The following UNC79 variants were observed in gnomAD, a reference collection of about 807,000 sequenced individuals.
UNC79 encodes unc-79 subunit of NALCN channel complex, also known as protein unc-79 homolog.
In UNC79, 37 loss-of-function variants were observed where a neutral mutation model predicts 283.1. The ratio of observed to expected loss-of-function variants is 0.13; its 90% confidence interval spans 0.10 to 0.17. The LOEUF (loss-of-function observed/expected upper bound fraction) is 0.17. Among genes scored for constraint, UNC79 ranks in the 10% least tolerant of loss-of-function variants. UNC79 has a pLI of 1.00. For synonymous variants in UNC79, 1,107 were observed against 1,200.2 expected (o/e 0.92, Z 1.61); for missense variants, 2,272 against 3,211.1 (o/e 0.71, Z 7.07).
rs60284787 is a variant in UNC79 at position 93,357,676 on chromosome 14, CATATATATATATATATATATAT to C, written c.-351+24176_-351+24197del. 5.1e-3 allele frequency among the ~76,000 whole-genome samples: 166 copies of C among 32,360 alleles called. 7 individuals carry two copies. Among genetic ancestry groups the C allele is most frequent in the East Asian group, 0.045 (43 of 954 alleles). 21.2% of individuals were successfully genotyped at this position (32,360 alleles called of 152,430 possible). Reference sequence around the variant, plus strand: ...GAGTTAATACTACTTAATAAACTCCCATATATATATATATATATATATATATATATATATATATATATATGGA... The same window carrying C: ...GAGTTAATACTACTTAATAAACTCCCATATATATATATATATATATATGGA... On this transcript the variant is annotated intron_variant, in intron 1 of 49. Transcript: ENST00000256339.
chr14:93,437,916 C>T (rs937880895), intron 1 of UNC79, among the ~76,000 whole-genome samples: 12 of 152,172 alleles, frequency 7.9e-5, no homozygotes, highest in African/African-American at 2.7e-4. Context: ...GACCCTATTT[C>T]CAAATGAGGT....
At chr14:93,493,869 T>G (rs2058858323) in intron 5 of UNC79, among the ~76,000 whole-genome samples, 4 of 119,668 alleles carry the variant, frequency 3.3e-5, no homozygotes, top group African/African-American at 9.6e-5. Context: ...GAAGGGGAAG[T>G]GCCACATATA....
At chr14:93,577,489 A>G (rs1047282183) in intron 17 of UNC79, among the ~76,000 whole-genome samples, 6 of 152,226 alleles carry the variant, frequency 3.9e-5, no homozygotes, top group Non-Finnish European at 7.3e-5. Context: ...TCTAAACATT[A>G]TCTTGCAATA....
At chr14:93,345,495 A>T (rs569725918) in intron 1 of UNC79, among the ~76,000 whole-genome samples, 1 of 152,246 alleles carries the variant, frequency 6.6e-6, no homozygotes, top group Non-Finnish European at 1.5e-5. Context: ...ATTCTGAAAG[A>T]AATCTAAAGT....
rs201389865 is a variant in UNC79, at chr14:93,526,306, C to T, written c.964-2252C>T. ...GAGTCCGCCCAATCCACATCATCAC[C>T]GTATGACATGCAAATCAAGGGTATC... On this transcript the variant is annotated intron_variant, in intron 8 of 48. Transcript: ENST00000555664. Among the ~76,000 whole-genome samples, 9 of 152,200 alleles carry T rather than the reference C, an allele frequency of 5.9e-5. No homozygotes were observed. The East Asian group carries it at 1.4e-3, about 23-fold the overall frequency.
chr14:93,609,203 A>T (rs190492597), intron 26 of UNC79, among the ~76,000 whole-genome samples: 1 of 152,176 alleles, frequency 6.6e-6, no homozygotes, highest in Non-Finnish European at 1.5e-5. Flanking sequence ...TATAGCACAA[A>T]ATTGTTGGGG....
chr14:93,424,812 C>T (rs1449739922), intron 1 of UNC79, among the ~76,000 whole-genome samples: 6 of 151,584 alleles, frequency 4.0e-5, no homozygotes, highest in Middle Eastern at 3.4e-3. Flanking sequence ...CTCAGTAGAG[C>T]GACTGTAGTC....
At chr14:93,537,841 A>G in intron 11 of UNC79, 148 bp from the exon 12 acceptor site, 2 of 679,148 alleles carry the variant, frequency 2.9e-6, no homozygotes, top group South Asian at 4.1e-5. Flanking sequence ...AAATCTAGGT[A>G]GTGGGAGAAT....
intron 2 of UNC79, among the ~76,000 whole-genome samples, chr14:93,469,320 A>G (rs2057378353): frequency 1.3e-5 from 2 of 152,224 alleles, no homozygotes; most frequent in Non-Finnish European, 2.9e-5. Context: ...AGAAGATCCT[A>G]TGCAACTGAG....
intron 24 of UNC79, among the ~76,000 whole-genome samples, chr14:93,599,256 T>C (rs557967451): frequency 6.6e-6 from 1 of 152,206 alleles, no homozygotes; most frequent in Non-Finnish European, 1.5e-5. Flanking sequence ...ATAGAGATGC[T>C]GAGAGTTAGA....
At chr14:93,509,526 C>T (rs1315607766) in intron 7 of UNC79, among the ~76,000 whole-genome samples, 3 of 152,132 alleles carry the variant, frequency 2.0e-5, no homozygotes, top group Non-Finnish European at 4.4e-5. Context: ...TGGGTAAGTA[C>T]TCCCTTTTCA....
chr14:93,624,178 C>T (rs2067361472), intron 30 of UNC79, among the ~76,000 whole-genome samples: 1 of 152,120 alleles, frequency 6.6e-6, no homozygotes, highest in Non-Finnish European at 1.5e-5. Flanking sequence ...TTTTTATTTG[C>T]CCCAGGCATT....
intron 35 of UNC79, among the ~76,000 whole-genome samples, chr14:93,649,095 T>C (rs1226501365): frequency 6.6e-6 from 1 of 152,194 alleles, no homozygotes; most frequent in Non-Finnish European, 1.5e-5. Flanking sequence ...TCCTCATCTG[T>C]AAAAGAGAGA....
At chr14:93,384,501 T>C (rs2054729653) in intron 1 of UNC79, among the ~76,000 whole-genome samples, 1 of 152,244 alleles carries the variant, frequency 6.6e-6, no homozygotes, top group South Asian at 2.1e-4. Flanking sequence ...TATGTTTTCT[T>C]TGGAGAAATG....
intron 32 of UNC79, among the ~76,000 whole-genome samples, chr14:93,639,258 C>G (rs1184223553): frequency 6.6e-6 from 1 of 152,130 alleles, no homozygotes; most frequent in Non-Finnish European, 1.5e-5. Context: ...ATTGTATGGG[C>G]TGAATTTTTC....
intron 4 of UNC79, among the ~76,000 whole-genome samples, chr14:93,484,896 C>T (rs1025426740): frequency 7.2e-5 from 11 of 152,124 alleles, no homozygotes; most frequent in African/African-American, 2.7e-4. Flanking sequence ...TGCTTTTGGC[C>T]TCCTGGCTGG....
At chr14:93,645,975 A>C (rs533850740) in intron 34 of UNC79, among the ~76,000 whole-genome samples, 24 of 152,248 alleles carry the variant, frequency 1.6e-4, no homozygotes, top group Admixed American at 3.3e-4. Flanking sequence ...TCAGTATCTT[A>C]CTGATCCAGA....
intron 47 of UNC79, among the ~76,000 whole-genome samples, chr14:93,701,334 T>G (rs1167717753): frequency 6.6e-6 from 1 of 152,240 alleles, no homozygotes; most frequent in African/African-American, 2.4e-5. Flanking sequence ...TTACTCCATC[T>G]TGGCTGAAAG....
At chr14:93,376,055 G>C (rs2054552685) in intron 1 of UNC79, among the ~76,000 whole-genome samples, 1 of 152,136 alleles carries the variant, frequency 6.6e-6, no homozygotes, top group Non-Finnish European at 1.5e-5. Context: ...CTTTTGACCT[G>C]GGGCTTCTCA....
Sources: gnomAD v4.1 joint callset for allele counts (sites outside exome capture counted in the v4.1 genomes callset) on GRCh38, gnomAD v4.1.1 for gene constraint, MANE v1.5 for transcripts, NCBI Gene and HGNC (gene_info 2026-07-23, HGNC 2026-07-21) for gene names.